The following NUP54 variants were observed in gnomAD, a reference collection of about 807,000 sequenced individuals.
NUP54 encodes nucleoporin p54.
In NUP54, 27 loss-of-function variants were observed where a neutral mutation model predicts 66.4. The observed-to-expected ratio is 0.41, with a 90% confidence interval of 0.30 to 0.56. The LOEUF is 0.56. Ranked by LOEUF, NUP54 falls within the 20% of genes least tolerant of loss-of-function variation. The pLI is 0.34. For synonymous variants in NUP54, 206 were observed against 210.7 expected (o/e 0.98, Z 0.19); for missense variants, 486 against 596.3 (o/e 0.82, Z 1.93).
At chr4:76,120,006 C>G (rs1730158497) in intron 9 of NUP54, among the ~76,000 whole-genome samples, 2 of 151,932 alleles carry the variant, frequency 1.3e-5, no homozygotes, top group South Asian at 4.2e-4. Flanking sequence ...AGAAGTATAG[C>G]TCTAATTTGT....
chr4:76,143,999 C>T lies in NUP54; in HGVS notation c.295+150G>A, dbSNP rs1001327529. 7 of 770,128 alleles carry T rather than the reference C, an allele frequency of 9.1e-6. 1 individual carries two copies. Among genetic ancestry groups the T allele is most frequent in the Non-Finnish European group, 1.4e-5 (7 of 486,528 alleles). The allele number at this position is 770,128 out of a possible 1,614,324, so 47.7% of individuals were successfully genotyped here. On this transcript the variant is annotated intron_variant, in intron 3 of 11. Coordinates refer to ENST00000264883, the MANE Select transcript of NUP54 (RefSeq NM_017426.4). The stretch of plus-strand genomic sequence containing the variant: ...AATCAGTGTTCTCCCCAGTTGCTAT[C>T]ATATTTAAACATGAAAAGTAACATT...
intron 5 of NUP54, among the ~76,000 whole-genome samples, chr4:76,133,232 G>A (rs750831258): frequency 6.6e-6 from 1 of 151,570 alleles, no homozygotes; most frequent in East Asian, 1.9e-4. Flanking sequence ...AAATAAGAAA[G>A]TTTTACTTCA....
chr4:76,129,966 G>GT (rs775109047), intron 8 of NUP54, among the ~76,000 whole-genome samples: 1,085 of 56,830 alleles, frequency 0.019, 370 homozygotes, highest in Non-Finnish European at 0.029. Flanking sequence ...AATTATGAAA[G>GT]TTTTTTTTTT....
At chr4:76,144,364 A>G in intron 2 of NUP54, 26 bp downstream of exon 2, 5 of 1,598,312 alleles carry the variant, frequency 3.1e-6, no homozygotes, top group Non-Finnish European at 4.3e-6. Flanking sequence ...ATTTACTTCT[A>G]TGAATGACTT....
chr4:76,126,326 T>A (rs923821277), intron 8 of NUP54, among the ~76,000 whole-genome samples: 1 of 152,210 alleles, frequency 6.6e-6, no homozygotes, highest in African/African-American at 2.4e-5. Flanking sequence ...TCATAATTAA[T>A]CATTCTATGC....
chr4:76,142,089 T>C (rs113825253), intron 3 of NUP54, among the ~76,000 whole-genome samples: 14 of 152,296 alleles, frequency 9.2e-5, no homozygotes, highest in African/African-American at 3.4e-4. Flanking sequence ...TGAGCCCCTT[T>C]CAATTTTAAA....
intron 5 of NUP54, among the ~76,000 whole-genome samples, chr4:76,132,998 C>A (rs1560685712): frequency 6.6e-6 from 1 of 150,984 alleles, no homozygotes; most frequent in Admixed American, 6.6e-5. Flanking sequence ...CAGCTGCACA[C>A]CCGCTACGTT....
At chr4:76,140,675 T>C (rs544303184) in intron 3 of NUP54, among the ~76,000 whole-genome samples, 3 of 152,294 alleles carry the variant, frequency 2.0e-5, no homozygotes, top group African/African-American at 7.2e-5. Flanking sequence ...ATTACTGCTA[T>C]AGAAAGCAGG....
chr4:76,128,717 CAT>C (rs1191189286), intron 8 of NUP54, among the ~76,000 whole-genome samples: 1 of 152,066 alleles, frequency 6.6e-6, no homozygotes, highest in Admixed American at 6.5e-5. Flanking sequence ...TATGTGTACA[CAT>C]ATATACACAC....
chr4:76,125,264 A>C (rs1313367577), intron 8 of NUP54, among the ~76,000 whole-genome samples: 1 of 114,548 alleles, frequency 8.7e-6, no homozygotes, highest in Non-Finnish European at 2.0e-5. Context: ...TGGGCAACAG[A>C]GTGAAACTCC....
At chr4:76,142,388 G>A (rs7657598) in intron 3 of NUP54, among the ~76,000 whole-genome samples, 79,051 of 152,038 alleles carry the variant, frequency 0.52, 22,482 homozygotes, top group East Asian at 0.95. Context: ...CTAATCTTCA[G>A]TGACTGAGTA....
At chr4:76,138,259 C>T (rs537296393) in intron 3 of NUP54, among the ~76,000 whole-genome samples, 16 of 152,298 alleles carry the variant, frequency 1.1e-4, no homozygotes, top group African/African-American at 3.9e-4. Flanking sequence ...TTATCTTCCT[C>T]AACTTTTACA....
At chr4:76,118,054 T>A in intron 10 of NUP54, 21 bp downstream of exon 10, 1 of 1,607,450 alleles carries the variant, frequency 6.2e-7, no homozygotes, top group Non-Finnish European at 8.5e-7. Context: ...ATTTTAGAAT[T>A]ATGGTCTTAG....
chr4:76,127,364 G>C (rs191556430), intron 8 of NUP54, among the ~76,000 whole-genome samples: 5 of 147,938 alleles, frequency 3.4e-5, no homozygotes, highest in Non-Finnish European at 4.4e-5. Context: ...CCCAGGAGGC[G>C]GAGCTTGCAG....
At chr4:76,121,814 G>T (rs1305794479) in intron 9 of NUP54, among the ~76,000 whole-genome samples, 2 of 152,148 alleles carry the variant, frequency 1.3e-5, no homozygotes, top group East Asian at 1.9e-4. Context: ...TAGTAAAAAG[G>T]AAAGTTGATT....
intron 1 of NUP54, 25 bp downstream of exon 1, chr4:76,148,283 G>A (rs1328707244): frequency 1.5e-6 from 2 of 1,362,154 alleles, no homozygotes; most frequent in South Asian, 1.9e-5. Flanking sequence ...TTCTTCCCGG[G>A]TGAAGGTCTA....
intron 8 of NUP54, among the ~76,000 whole-genome samples, chr4:76,126,958 A>G (rs989345132): frequency 2.6e-5 from 4 of 152,170 alleles, no homozygotes; most frequent in Admixed American, 6.5e-5. Flanking sequence ...GCTACTAGAT[A>G]TTAAGATACA....
chr4:76,145,148 G>C (rs201636571), intron 1 of NUP54, among the ~76,000 whole-genome samples: 18,890 of 150,170 alleles, frequency 0.13, 1,454 homozygotes, highest in East Asian at 0.33. Context: ...GAAACCCCGT[G>C]TCTACTAAAA....
At chr4:76,141,653 T>C (rs1157754947) in intron 3 of NUP54, among the ~76,000 whole-genome samples, 1 of 152,220 alleles carries the variant, frequency 6.6e-6, no homozygotes, top group Non-Finnish European at 1.5e-5. Flanking sequence ...TGCTCAGATT[T>C]TGGCAACAGC....
Sources: gnomAD v4.1 joint callset for allele counts (sites outside exome capture counted in the v4.1 genomes callset) on GRCh38, gnomAD v4.1.1 for gene constraint, MANE v1.5 for transcripts, NCBI Gene and HGNC (gene_info 2026-07-23, HGNC 2026-07-21) for gene names.